MTCL1: variants seen among roughly 807,000 people sequenced by gnomAD.
MTCL1 encodes the protein microtubule cross-linking factor 1.
In MTCL1, 79 loss-of-function variants were observed where a neutral mutation model predicts 141.4. The ratio of observed to expected loss-of-function variants is 0.56; its 90% CI spans 0.47 to 0.67. The LOEUF is 0.67. Ranked by LOEUF, MTCL1 falls within the 30% of genes least tolerant of loss-of-function variation. The pLI is 0.00. For synonymous variants in MTCL1, 914 were observed against 875.8 expected (o/e 1.04, Z -0.77); for missense variants, 2,177 against 2,113.9 (o/e 1.03, Z -0.59).
intron 4 of MTCL1, among the ~76,000 whole-genome samples, chr18:8,732,318 C>T (rs2096254891): frequency 6.6e-6 from 1 of 151,934 alleles, no homozygotes; most frequent in Non-Finnish European, 1.5e-5. Context: ...CATCATGTTG[C>T]CCAGGCTAGT....
exon 13 of MTCL1, chr18:8,819,091 A>C: frequency 6.2e-7 from 1 of 1,614,246 alleles, no homozygotes; most frequent in Non-Finnish European, 8.5e-7. Flanking sequence ...GGCCTTGTGC[A>C]GATGCTGACT....
At position 8,738,742 on chromosome 18, in the gene MTCL1, A is replaced by G. The variant is rs1191970645; in HGVS notation, c.357+18246A>G. ...CGCACTGCTTTGAGAGTGGATAGGG[A>G]GGCTCACAGAGTCCTTCTTGGCTAA... On this transcript the variant is annotated intron_variant, in intron 4 of 16. Transcript: ENST00000359865. 2.0e-5 allele frequency among the ~76,000 whole-genome samples: 3 copies of G among 152,168 alleles called. No homozygotes were observed. The East Asian group carries it at 5.8e-4, about 29-fold the overall frequency.
chr18:8,728,527 T>A (rs2096230606), intron 4 of MTCL1, among the ~76,000 whole-genome samples: 1 of 152,144 alleles, frequency 6.6e-6, no homozygotes, highest in African/African-American at 2.4e-5. Flanking sequence ...TTCAGTCCAC[T>A]TTATCTAGAT....
intron 4 of MTCL1, among the ~76,000 whole-genome samples, chr18:8,771,282 A>G (rs755102694): frequency 6.6e-6 from 1 of 152,082 alleles, no homozygotes; most frequent in African/African-American, 2.4e-5. Flanking sequence ...AGCTCCCATG[A>G]CCGATTTAAT....
At position 8,784,513 on chromosome 18, in the gene MTCL1, G is replaced by A. The variant is rs369116879; in HGVS notation, c.1401G>A (p.Thr467=). 1.6e-4 allele frequency: 263 copies of A among 1,599,646 alleles called. 3 individuals are homozygous for A. The highest frequency in any genetic ancestry group is 1.2e-3 in the South Asian group (104 of 88,302). ...ACGAGGCCCAGCGGCTAGAGCGGACGGTGGAGCGCCTCATCACGGACACCG... is the reference window on the plus strand; with the variant it reads ...ACGAGGCCCAGCGGCTAGAGCGGACAGTGGAGCGCCTCATCACGGACACCG... The change falls in exon 6 of 17, where the codon ACG becomes ACA. Residue 467 remains threonine (T), a synonymous_variant. Transcript: ENST00000359865.
chr18:8,715,590 T>C (rs567717005), upstream of MTCL1, among the ~76,000 whole-genome samples: 1 of 149,718 alleles, frequency 6.7e-6, no homozygotes, highest in South Asian at 2.3e-4. Context: ...AGTGAAACAA[T>C]TAACCTCTTT....
At chr18:8,755,931 G>A (rs1464749269) in intron 4 of MTCL1, among the ~76,000 whole-genome samples, 1 of 152,172 alleles carries the variant, frequency 6.6e-6, no homozygotes, top group Non-Finnish European at 1.5e-5. Flanking sequence ...CTGGAGCCCA[G>A]GAGTTCAAAA....
intron 9 of MTCL1, among the ~76,000 whole-genome samples, chr18:8,797,566 T>A (rs570611): frequency 6.6e-6 from 1 of 151,842 alleles, no homozygotes; most frequent in South Asian, 2.1e-4. Context: ...TTGTGAATAC[T>A]TGGTTTCTTT....
chr18:8,824,212 T>C (rs2076938061), intron 14 of MTCL1, among the ~76,000 whole-genome samples: 1 of 152,198 alleles, frequency 6.6e-6, no homozygotes, highest in Non-Finnish European at 1.5e-5. Context: ...CTGCCAGGCA[T>C]GTGAGAGGCA....
At chr18:8,757,207 C>T (rs1321966891) in intron 4 of MTCL1, among the ~76,000 whole-genome samples, 1 of 148,766 alleles carries the variant, frequency 6.7e-6, no homozygotes, top group Non-Finnish European at 1.5e-5. Context: ...TGTTTTCATC[C>T]CAGGTTCAGA....
intron 4 of MTCL1, among the ~76,000 whole-genome samples, chr18:8,725,579 T>C (rs1008732869): frequency 1.3e-5 from 2 of 152,152 alleles, no homozygotes; most frequent in Non-Finnish European, 1.5e-5. Flanking sequence ...GCTAAAAAAA[T>C]TTTTTAATGG....
intron 4 of MTCL1, among the ~76,000 whole-genome samples, chr18:8,772,415 C>A (rs1442494192): frequency 2.0e-5 from 3 of 151,932 alleles, no homozygotes; most frequent in African/African-American, 7.3e-5. Context: ...TTTTATTTTC[C>A]TGACCTTTTT....
At chr18:8,709,526 G>A (rs563181170) in intron 1 of MTCL1, among the ~76,000 whole-genome samples, 14 of 152,228 alleles carry the variant, frequency 9.2e-5, no homozygotes, top group African/African-American at 3.1e-4. Context: ...ATAAAAGTAC[G>A]TCCTTGACCT....
upstream of MTCL1, chr18:8,717,239 T>A (rs2096134538): frequency 6.6e-6 from 1 of 152,090 alleles, no homozygotes; most frequent in Non-Finnish European, 1.5e-5. Flanking sequence ...TACTATTAGA[T>A]GGCACTCAGA....
chr18:8,780,614 C>T (rs1193411360), intron 5 of MTCL1, among the ~76,000 whole-genome samples: 1 of 152,198 alleles, frequency 6.6e-6, no homozygotes, highest in Non-Finnish European at 1.5e-5. Context: ...GAGGGCACTC[C>T]CCTGTTTTCT....
chr18:8,813,376 AGAATTGCTTGTGTTG>A (rs2076550393), intron 12 of MTCL1, 143 bp downstream of exon 11: 1 of 1,063,268 alleles, frequency 9.4e-7, no homozygotes, highest in Non-Finnish European at 1.3e-6. Flanking sequence ...GAGAAATTCT[AGAATTGCTTGTGTTG>A]GAGACCAAGG....
intron 10 of MTCL1, among the ~76,000 whole-genome samples, chr18:8,806,200 A>G (rs2076291385): frequency 6.6e-6 from 1 of 152,162 alleles, no homozygotes; most frequent in African/African-American, 2.4e-5. Flanking sequence ...CTTCCTGAAC[A>G]GGTTATGCAT....
rs140752703 is a variant in MTCL1 at position 8,800,121 on chromosome 18, A to C, written c.2436+1830A>C. On this transcript the variant is annotated intron_variant, in intron 10 of 16. Transcript: ENST00000359865. ...CGGAAGATGGACGAGCTCTACTGTA[A>C]CGACAGCTGGTTCTCTGGGAGGGAA... Among the ~76,000 whole-genome samples the C allele has an allele frequency of 6.2e-4, 95 of 152,344 alleles. 1 individual carries two copies. The highest frequency in any genetic ancestry group is 5.2e-3 in the Admixed American group (80 of 15,308).
At chr18:8,766,040 G>T (rs1179290617) in intron 4 of MTCL1, among the ~76,000 whole-genome samples, 1 of 152,036 alleles carries the variant, frequency 6.6e-6, no homozygotes, top group Admixed American at 6.5e-5. Context: ...CCCACAGGAG[G>T]TCTTCTGGAT....
Sources: gnomAD v4.1 joint callset for allele counts (sites outside exome capture counted in the v4.1 genomes callset) on GRCh38, gnomAD v4.1.1 for gene constraint, MANE v1.5 for transcripts, NCBI Gene and HGNC (gene_info 2026-07-23, HGNC 2026-07-21) for gene names.